SLC6A12: variants seen among roughly 807,000 people sequenced by gnomAD.
SLC6A12 encodes the protein solute carrier family 6 member 12.
A neutral mutation model predicts 73.3 loss-of-function variants in SLC6A12; 50 were observed. That is an observed-to-expected ratio of 0.68 (90% CI 0.54 to 0.86). The LOEUF (loss-of-function observed/expected upper bound fraction) is 0.86, where lower values mean the gene tolerates loss of function less well. Ranked by LOEUF, SLC6A12 falls within the 40% of genes least tolerant of loss-of-function variation. SLC6A12 has a pLI of 0.00. For synonymous variants in SLC6A12, 304 were observed against 309.2 expected (o/e 0.98, Z 0.18); for missense variants, 648 against 772.8 (o/e 0.84, Z 1.92).
At position 213,806 on chromosome 12, in the gene SLC6A12, C is replaced by CG. The variant is rs1231993791; in HGVS notation, c.-143+115dup. ...TGAGGTTATTGCAGGTCCTGCCCCC[C>CG]GCTGCAGACACGCAGTTCCACAGAG... On this transcript the variant is annotated intron_variant, in intron 1 of 15. Coordinates refer to ENST00000684302, the MANE Select transcript of SLC6A12 (RefSeq NM_001122848.3). This position sits in a 1 kb window ranked among gnomAD's most constrained non-coding sequence, Gnocchi z 5.3. 1 of 152,692 alleles carries CG rather than the reference C, an allele frequency of 6.5e-6. No homozygotes were observed. Among genetic ancestry groups the CG allele is most frequent in the Non-Finnish European group, 1.5e-5 (1 of 68,424 alleles). 9.5% of individuals were successfully genotyped at this position (152,692 alleles called of 1,614,324 possible).
intron 10 of SLC6A12, among the ~76,000 whole-genome samples, chr12:197,174 C>CATCCATCT (rs1939947593): frequency 8.3e-4 from 10 of 12,070 alleles, no homozygotes; most frequent in South Asian, 6.3e-3. Context: ...TCCATCCATC[C>CATCCATCT]ATCCATCCAT....
At position 200,257 on chromosome 12, in the gene SLC6A12, C is replaced by T. The variant is rs553983918; in HGVS notation, c.711+394G>A. ...CTGCATAGCTGGGACTACAGGTGCCCACCACCACGCCCGGCTAATTTTTTG... is the reference window on the plus strand; with the variant it reads ...CTGCATAGCTGGGACTACAGGTGCCTACCACCACGCCCGGCTAATTTTTTG... On this transcript the variant is annotated intron_variant, in intron 7 of 15. Coordinates refer to ENST00000684302, the MANE Select transcript of SLC6A12 (RefSeq NM_001122848.3). Among the ~76,000 whole-genome samples the T allele has an allele frequency of 1.4e-3, 208 of 150,778 alleles. 2 individuals are homozygous for T. Among genetic ancestry groups the T allele is most frequent in the Middle Eastern group, 6.8e-3 (2 of 292 alleles).
chr12:208,966 CTCAG>C (rs1345705140), intron 3 of SLC6A12, among the ~76,000 whole-genome samples: 1 of 152,176 alleles, frequency 6.6e-6, no homozygotes. Context: ...TGGCTCCCAT[CTCAG>C]TCAGAACAGA....
Position 209,796 on chromosome 12 carries a change from T to A in SLC6A12, c.191A>T (p.Tyr64Phe). 6.2e-7 allele frequency: 1 copy of A among 1,614,172 alleles called. No homozygotes were observed. Among genetic ancestry groups the A allele is most frequent in the Non-Finnish European group, 8.5e-7 (1 of 1,180,008 alleles). The part of the protein sequence containing the change: ...IGLGNVWRFP[Y>F]LCYKNGGGAF... ...ACCACCTCCGTTTTTGTAGCAGAGA[T>A]AGGGAAACCTCCAGACATTGCCCAG... The change falls in exon 3 of 16, where the codon TAT becomes TTT. Residue 64 changes from tyrosine to phenylalanine, a missense_variant. Tyr to Phe is a conservative substitution (Grantham distance 22, BLOSUM62 3). Transcript: ENST00000684302.
chr12:210,475 G>T, intron 2 of SLC6A12: 1 of 880,634 alleles, frequency 1.1e-6, no homozygotes, highest in Non-Finnish European at 1.4e-6. Context: ...GGGCAGGTGT[G>T]GCCGAAGTGA....
chr12:210,301 A>G, intron 2 of SLC6A12: 2 of 1,207,778 alleles, frequency 1.7e-6, no homozygotes, highest in Non-Finnish European at 1.1e-6. Flanking sequence ...ATGAAAACTC[A>G]GGCTCGGGCT....
Position 202,956 on chromosome 12 carries a change from T to C in SLC6A12, c.350-76A>G, listed in dbSNP as rs187578332. 1.1e-5 allele frequency: 15 copies of C among 1,406,288 alleles called. No individual in the cohort carries two copies. In the Admixed American group the frequency reaches 2.1e-4, roughly 19 times the overall value. The allele number at this position is 1,406,288 out of a possible 1,614,324, so 87.1% of individuals were successfully genotyped here. On this transcript the variant is annotated intron_variant, in intron 4 of 15. Coordinates refer to ENST00000684302, the MANE Select transcript of SLC6A12 (RefSeq NM_001122848.3). The stretch of plus-strand genomic sequence containing the variant: ...AAAAAAGTCACATAGAAGCTGCCAG[T>C]TGAGGTTACAAGGGTATTGGGTGCT...
intron 4 of SLC6A12, 73 bp from the exon 5 acceptor site, chr12:202,953 C>T (rs757392242): frequency 1.4e-6 from 2 of 1,420,836 alleles, no homozygotes; most frequent in Non-Finnish European, 2.0e-6. Context: ...TAGAAGCTGC[C>T]AGTTGAGGTT....
chr12:208,909 G>A (rs1432460820), intron 3 of SLC6A12, among the ~76,000 whole-genome samples: 1 of 152,076 alleles, frequency 6.6e-6, no homozygotes, highest in Non-Finnish European at 1.5e-5. Context: ...TCTCTAACTT[G>A]AAAAAAACTC....
Position 198,595 on chromosome 12 carries a change from A to G in SLC6A12, c.846+202T>C. Reference sequence around the variant, plus strand: ...AGTAAGAGAAAAAAAATTTTTTAAGAAAAAAAGTTATATTTGAGTGGTGGA... The same window carrying G: ...AGTAAGAGAAAAAAAATTTTTTAAGGAAAAAAGTTATATTTGAGTGGTGGA... On this transcript the variant is annotated intron_variant, in intron 8 of 15. Coordinates refer to ENST00000684302, the MANE Select transcript of SLC6A12 (RefSeq NM_001122848.3). This position sits in a 1 kb window ranked among gnomAD's most constrained non-coding sequence, Gnocchi z 4.0. 1 of 537,676 alleles carries G rather than the reference A, an allele frequency of 1.9e-6. No homozygotes were observed. Among genetic ancestry groups the G allele is most frequent in the Non-Finnish European group, 3.1e-6 (1 of 319,334 alleles). 33.3% of individuals were successfully genotyped at this position (537,676 alleles called of 1,614,324 possible).
At chr12:199,080 T>C (rs1940074310) in intron 7 of SLC6A12, 149 bp from the exon 8 acceptor site, 10 of 476,774 alleles carry the variant, frequency 2.1e-5, no homozygotes, top group South Asian at 1.9e-4. Context: ...TTTCCACACC[T>C]CCCTTTACAC....
intron 13 of SLC6A12, among the ~76,000 whole-genome samples, chr12:194,980 T>C (rs1939793063): frequency 1.3e-5 from 2 of 152,212 alleles, no homozygotes; most frequent in African/African-American, 2.4e-5. Context: ...TGCACTGTTA[T>C]TGATCATTCT....
intron 3 of SLC6A12, chr12:205,197 C>A (rs7135457): frequency 0.022 from 3,406 of 154,234 alleles, 103 homozygotes; most frequent in African/African-American, 0.066. Flanking sequence ...AAGGCCATCA[C>A]GTGATTAGGT....
intron 1 of SLC6A12, among the ~76,000 whole-genome samples, chr12:212,570 T>TCAGAATGAAAATCCAGAACGG (rs1940946205): frequency 6.6e-6 from 1 of 151,964 alleles, no homozygotes; most frequent in Non-Finnish European, 1.5e-5. Context: ...AACTTGTGGT[T>TCAGAATGAAAATCCAGAACGG]CAGAATGAAA....
In SLC6A12 at chr12:192,597, CGTT is replaced by C; in HGVS notation, c.1579_1581del (p.Asn527del). The C allele has an allele frequency of 1.2e-6, 2 of 1,614,006 alleles. No individual in the cohort carries two copies. Among genetic ancestry groups the C allele is most frequent in the Non-Finnish European group, 8.5e-7 (1 of 1,179,986 alleles). ...TATCCCCAGGGCGGGTACACATAGA[CGTT>C]GTTGTACTTGAGGGGGGTGTACTTG... On this transcript the variant is annotated inframe_deletion, in exon 15 of 16. Transcript: ENST00000684302.
In SLC6A12 at chr12:200,724, A is replaced by T; in HGVS notation, c.638T>A (p.Leu213Gln). 6.2e-7 allele frequency: 1 copy of T among 1,614,064 alleles called. No homozygotes were observed. The highest frequency in any genetic ancestry group is 8.5e-7 in the Non-Finnish European group (1 of 1,179,912). Residue 213 changes from leucine to glutamine, a missense_variant, in exon 7 of 16, where the codon CTG becomes CAG. Leu to Gln is a moderately radical substitution (Grantham distance 113). Coordinates refer to ENST00000684302, the MANE Select transcript of SLC6A12 (RefSeq NM_001122848.3). ...CCAGGCGAGCAGGAGGCACAGGGCC[A>T]GCTCCCAGCGCAGGGAGCCCAGGTC... ...IHDLGSLRWE[L>Q]ALCLLLAWVI...
downstream of SLC6A12, among the ~76,000 whole-genome samples, chr12:188,112 C>T (rs1184669281): frequency 6.6e-6 from 1 of 152,246 alleles, no homozygotes; most frequent in African/African-American, 2.4e-5. Context: ...CGGTTCCGTG[C>T]GCCCGCACTT....
chr12:186,322 G>C (rs797739), downstream of SLC6A12, among the ~76,000 whole-genome samples: 1 of 152,162 alleles, frequency 6.6e-6, no homozygotes, highest in Non-Finnish European at 1.5e-5. Context: ...GCCTTCCACC[G>C]GCAGCCACAG....
intron 4 of SLC6A12, chr12:203,411 C>T (rs1940410979): frequency 6.6e-6 from 1 of 152,266 alleles, no homozygotes; most frequent in Admixed American, 6.5e-5. Context: ...TGAACAAAAC[C>T]TCTCCTTTGG....
Sources: allele counts gnomAD v4.1 joint callset (sites outside exome capture counted in the v4.1 genomes callset), GRCh38; gene constraint gnomAD v4.1.1; non-coding constraint Gnocchi (gnomAD v3.1); transcripts MANE v1.5; gene names NCBI Gene and HGNC (gene_info 2026-07-23, HGNC 2026-07-21).